The following PDE8B variants were observed in gnomAD, a reference collection of about 807,000 sequenced individuals.
PDE8B encodes phosphodiesterase 8B, also known as high affinity cAMP-specific and IBMX-insensitive 3',5'-cyclic phosphodiesterase 8B.
Under a neutral mutation model 101.3 loss-of-function variants are expected in PDE8B, and 26 were observed. The observed-to-expected ratio is 0.26, with a 90% confidence interval of 0.19 to 0.36. PDE8B has a LOEUF of 0.36. PDE8B is among the 10% of genes least tolerant of loss of function. PDE8B has a pLI of 1.00. For synonymous variants in PDE8B, 424 were observed against 429.3 expected (o/e 0.99, Z 0.15); for missense variants, 810 against 1,163.1 (o/e 0.70, Z 4.42).
At chr5:77,186,445 C>T in the PDE8B span, among the ~76,000 whole-genome samples, 1 of 152,170 alleles carries the variant, frequency 6.6e-6, no homozygotes, top group South Asian at 2.1e-4. Flanking sequence ...CACCCTCTTC[C>T]TCTCCCATTT....
At chr5:77,342,557 GT>G (rs140921281) in intron 6 of PDE8B, among the ~76,000 whole-genome samples, 119 of 151,198 alleles carry the variant, frequency 7.9e-4, no homozygotes, top group Middle Eastern at 3.4e-3. Context: ...TAAATCAACA[GT>G]TTTTTTTTAT....
At position 77,419,756 on chromosome 5, in the gene PDE8B, G is replaced by C. The variant is rs763043539; in HGVS notation, c.2130-11G>C. The C allele has an allele frequency of 6.2e-7, 1 of 1,613,742 alleles. No homozygotes were observed. Among genetic ancestry groups the C allele is most frequent in the South Asian group, 1.1e-5 (1 of 90,996 alleles). On this transcript the variant is annotated splice_polypyrimidine_tract_variant and intron_variant, in intron 18 of 21. Coordinates refer to ENST00000264917, the MANE Select transcript of PDE8B (RefSeq NM_003719.5). ...CTGTGAACAAGCCCCTTTGTCTTGTGGTTATTTTAGGAACCATTATCGAAC... is the reference window on the plus strand; with the variant it reads ...CTGTGAACAAGCCCCTTTGTCTTGTCGTTATTTTAGGAACCATTATCGAAC...
chr5:77,391,344 C>A (rs1434465531), intron 10 of PDE8B, among the ~76,000 whole-genome samples: 1 of 152,162 alleles, frequency 6.6e-6, no homozygotes, highest in Non-Finnish European at 1.5e-5. Context: ...ATCATTAAGT[C>A]GGTCCCACAA....
chr5:77,206,600 G>T (rs1200568917), upstream of PDE8B, among the ~76,000 whole-genome samples: 1 of 152,210 alleles, frequency 6.6e-6, no homozygotes, highest in Non-Finnish European at 1.5e-5. Flanking sequence ...GAGGAGGCTG[G>T]TGCGGCTGGA....
At chr5:77,191,518 A>G in the PDE8B span, among the ~76,000 whole-genome samples, 1 of 151,880 alleles carries the variant, frequency 6.6e-6, no homozygotes, top group Non-Finnish European at 1.5e-5. Flanking sequence ...ACACCTGGCT[A>G]ATTTTTTTGT....
At position 77,426,768 on chromosome 5, in the gene PDE8B, C is replaced by T. The variant is rs1355597763; in HGVS notation, c.*214C>T. On this transcript the variant is annotated 3_prime_UTR_variant, in exon 22 of 22. Transcript: ENST00000264917. ...ATATGTTCTTTTGAATACTTAATGA[C>T]AGAACAAATACTTGGCAAACTCCTT... The T allele has an allele frequency of 3.7e-6, 2 of 543,206 alleles. No homozygotes were observed. Among genetic ancestry groups the T allele is most frequent in the East Asian group, 6.7e-5 (2 of 29,920 alleles). 33.6% of individuals were successfully genotyped at this position (543,206 alleles called of 1,614,324 possible).
chr5:77,181,158 C>T, the PDE8B span, among the ~76,000 whole-genome samples: 1 of 143,028 alleles, frequency 7.0e-6, no homozygotes, highest in African/African-American at 2.6e-5. Flanking sequence ...GGTGAATAGA[C>T]GGAGCGTGGA....
the PDE8B span, among the ~76,000 whole-genome samples, chr5:77,167,954 G>A: frequency 6.6e-6 from 1 of 152,100 alleles, no homozygotes; most frequent in Non-Finnish European, 1.5e-5. Context: ...TGAGCCAAAT[G>A]TTTGATGATG....
At chr5:77,238,985 A>G (rs1228204176) in intron 1 of PDE8B, among the ~76,000 whole-genome samples, 4 of 152,230 alleles carry the variant, frequency 2.6e-5, no homozygotes, top group African/African-American at 7.2e-5. Flanking sequence ...AATCTTTCCC[A>G]GAAACATCCT....
intron 18 of PDE8B, among the ~76,000 whole-genome samples, chr5:77,418,876 C>T (rs1033745172): frequency 2.6e-5 from 4 of 152,124 alleles, no homozygotes; most frequent in Non-Finnish European, 2.9e-5. Context: ...ACCCCAGCCC[C>T]GCATTCTCTG....
chr5:77,323,688 G>A (rs1775501092), intron 2 of PDE8B, among the ~76,000 whole-genome samples: 1 of 152,158 alleles, frequency 6.6e-6, no homozygotes, highest in African/African-American at 2.4e-5. Context: ...AGCTGGGCAT[G>A]TGGCTCATGC....
chr5:77,354,989 A>G (rs1316559960), intron 10 of PDE8B, among the ~76,000 whole-genome samples: 1 of 152,216 alleles, frequency 6.6e-6, no homozygotes, highest in Non-Finnish European at 1.5e-5. Context: ...CCCCTCTAGC[A>G]GGGCCACTGG....
intron 3 of PDE8B, among the ~76,000 whole-genome samples, chr5:77,327,018 C>A (rs558991820): frequency 6.6e-6 from 1 of 152,266 alleles, no homozygotes; most frequent in South Asian, 2.1e-4. Flanking sequence ...GTTAGCTGCA[C>A]AGAAAACCAA....
intron 1 of PDE8B, among the ~76,000 whole-genome samples, chr5:77,273,191 C>T (rs749517229): frequency 1.2e-4 from 19 of 152,128 alleles, no homozygotes; most frequent in Admixed American, 3.9e-4. Flanking sequence ...CTGCAGTGTA[C>T]GTAGCTCCCA....
Position 77,312,023 on chromosome 5 carries a change from G to A in PDE8B, c.369G>A (p.Gly123=), listed in dbSNP as rs200712280. 3 of 1,613,400 alleles carry A rather than the reference G, an allele frequency of 1.9e-6. No individual in the cohort carries two copies. Among genetic ancestry groups the A allele is most frequent in the East Asian group, 2.2e-5 (1 of 44,870 alleles). ...TGTCTTCTGCGGAGGTGCGCATCGG[G>A]CCCATGAGACTGACGCAGGACCCTA... The part of the protein sequence containing the change: ...KQVSSAEVRI[G]PMRLTQDPIQ... The change falls in exon 2 of 22, where the codon GGG becomes GGA. Residue 123 remains glycine, a synonymous_variant. Transcript: ENST00000264917.
At chr5:77,323,826 G>A (rs10053760) in intron 2 of PDE8B, among the ~76,000 whole-genome samples, 14,167 of 152,054 alleles carry the variant, frequency 0.093, 1,165 homozygotes, top group African/African-American at 0.22. Context: ...AGGCATGGTG[G>A]CGGGCGCCTG....
chr5:77,124,390 G>T, the PDE8B span, among the ~76,000 whole-genome samples: 2 of 151,998 alleles, frequency 1.3e-5, no homozygotes, highest in African/African-American at 4.8e-5. Context: ...AGGAGCTCAA[G>T]ACCATCCTGG....
chr5:77,410,644 C>G (rs574846067), intron 14 of PDE8B: 1 of 151,462 alleles, frequency 6.6e-6, no homozygotes, highest in South Asian at 2.1e-4. Context: ...AACCAAGAAT[C>G]TCTTGCCATA....
the PDE8B span, among the ~76,000 whole-genome samples, chr5:77,101,879 G>C: frequency 1.3e-5 from 2 of 152,192 alleles, no homozygotes; most frequent in African/African-American, 4.8e-5. Flanking sequence ...GGGAGAGATG[G>C]GGAGTCATTG....
Sources: allele counts gnomAD v4.1 joint callset (sites outside exome capture counted in the v4.1 genomes callset), GRCh38; gene constraint gnomAD v4.1.1; transcripts MANE v1.5; gene names NCBI Gene and HGNC (gene_info 2026-07-23, HGNC 2026-07-21).